The following PTPRK variants were observed in gnomAD, a reference collection of about 807,000 sequenced individuals.
PTPRK encodes protein tyrosine phosphatase receptor type K.
Under a neutral mutation model 178.0 loss-of-function variants are expected in PTPRK, and 75 were observed. The observed-to-expected ratio is 0.42, with a 90% CI of 0.35 to 0.51. PTPRK has a LOEUF of 0.51. Ranked by LOEUF, PTPRK falls within the 20% of genes least tolerant of loss-of-function variation. PTPRK has a pLI of 0.02. For missense variants in PTPRK, 1,441 were observed against 1,797.8 expected (o/e 0.80, Z 3.59); for synonymous variants, 637 against 620.6 (o/e 1.03, Z -0.39).
intron 13 of PTPRK, among the ~76,000 whole-genome samples, chr6:128,031,065 A>T (rs1232966685): frequency 6.6e-6 from 1 of 152,224 alleles, no homozygotes; most frequent in Admixed American, 6.5e-5. Context: ...TTTTATTAGC[A>T]GTAGAAATTT....
chr6:128,053,542 T>C (rs1322186238), intron 13 of PTPRK, among the ~76,000 whole-genome samples: 1 of 152,092 alleles, frequency 6.6e-6, no homozygotes, highest in African/African-American at 2.4e-5. Flanking sequence ...GGCTCTGATT[T>C]CCCAAGGTGG....
At chr6:128,140,603 A>T (rs140583802) in intron 7 of PTPRK, among the ~76,000 whole-genome samples, 3,407 of 152,004 alleles carry the variant, frequency 0.022, 102 homozygotes, top group African/African-American at 0.048. Flanking sequence ...AGAAAGAGTG[A>T]ATTATTTGAA....
intron 1 of PTPRK, among the ~76,000 whole-genome samples, chr6:128,424,910 GA>G (rs1005028911): frequency 3.7e-4 from 56 of 151,982 alleles, no homozygotes; most frequent in African/African-American, 1.2e-3. Flanking sequence ...TAACATCAAA[GA>G]ACTGCCAGCT....
At chr6:128,333,371 G>A (rs1051932513) in intron 2 of PTPRK, among the ~76,000 whole-genome samples, 11 of 152,102 alleles carry the variant, frequency 7.2e-5, no homozygotes, top group Admixed American at 1.3e-4. Flanking sequence ...CATTCTACTC[G>A]GTAGTCACAT....
chr6:128,045,781 T>C (rs1777942073), intron 13 of PTPRK, among the ~76,000 whole-genome samples: 1 of 151,998 alleles, frequency 6.6e-6, no homozygotes, highest in African/African-American at 2.4e-5. Flanking sequence ...TATAAGGAGG[T>C]TGATACCCAT....
chr6:128,399,338 C>G (rs1033300282), intron 1 of PTPRK, among the ~76,000 whole-genome samples: 1 of 152,170 alleles, frequency 6.6e-6, no homozygotes, highest in South Asian at 2.1e-4. Context: ...GCACTACAAG[C>G]TCTGAAATCT....
chr6:128,503,955 C>A (rs1163111282), intron 1 of PTPRK, among the ~76,000 whole-genome samples: 1 of 151,768 alleles, frequency 6.6e-6, no homozygotes, highest in East Asian at 1.9e-4. Flanking sequence ...CCTGGAAATG[C>A]ACAAATCAAT....
At chr6:128,282,594 T>C (rs1821844211) in intron 3 of PTPRK, among the ~76,000 whole-genome samples, 1 of 152,236 alleles carries the variant, frequency 6.6e-6, no homozygotes. Context: ...GGCATGTTCA[T>C]ATTTTTGCCA....
At chr6:128,277,056 A>G (rs1820828279) in intron 3 of PTPRK, among the ~76,000 whole-genome samples, 1 of 152,048 alleles carries the variant, frequency 6.6e-6, no homozygotes, top group South Asian at 2.1e-4. Flanking sequence ...CTGAAAGACA[A>G]TGAGTGACCT....
chr6:128,068,951 G>T (rs1582838237), intron 11 of PTPRK, among the ~76,000 whole-genome samples: 1 of 151,450 alleles, frequency 6.6e-6, no homozygotes, highest in Non-Finnish European at 1.5e-5. Context: ...GGGGAGGAGA[G>T]GGGGAGGGAG....
At chr6:128,046,649 G>A (rs555867548) in intron 13 of PTPRK, among the ~76,000 whole-genome samples, 1 of 152,240 alleles carries the variant, frequency 6.6e-6, no homozygotes, top group African/African-American at 2.4e-5. Flanking sequence ...ATTAAGACTA[G>A]GATTTCAGGC....
intron 27 of PTPRK, 90 bp from the exon 28 acceptor site, chr6:127,973,917 C>A: frequency 7.9e-7 from 1 of 1,261,152 alleles, no homozygotes. Flanking sequence ...ATACAAATGG[C>A]ATCTACACTG....
At chr6:128,176,242 T>C (rs934445483) in intron 7 of PTPRK, among the ~76,000 whole-genome samples, 1 of 151,828 alleles carries the variant, frequency 6.6e-6, no homozygotes, top group African/African-American at 2.4e-5. Context: ...TTTTAGTAAA[T>C]TTTGGGTAGG....
intron 2 of PTPRK, among the ~76,000 whole-genome samples, chr6:128,356,408 T>A (rs1239943575): frequency 1.3e-5 from 2 of 152,162 alleles, no homozygotes; most frequent in Non-Finnish European, 2.9e-5. Context: ...CTGAAACTAG[T>A]TTAGCCAGTC....
At chr6:128,387,831 G>A (rs913953661) in intron 2 of PTPRK, among the ~76,000 whole-genome samples, 3 of 152,072 alleles carry the variant, frequency 2.0e-5, no homozygotes, top group African/African-American at 7.2e-5. Flanking sequence ...ATGAAATTAA[G>A]GGAAACCTGA....
chr6:128,158,769 G>T (rs922985266), intron 7 of PTPRK, among the ~76,000 whole-genome samples: 7 of 151,764 alleles, frequency 4.6e-5, no homozygotes, highest in African/African-American at 1.7e-4. Flanking sequence ...GCCACTTCAC[G>T]TTTCCTTTCA....
intron 1 of PTPRK, among the ~76,000 whole-genome samples, chr6:128,491,150 T>A (rs565008727): frequency 2.9e-4 from 44 of 152,158 alleles, no homozygotes; most frequent in Non-Finnish European, 5.4e-4. Flanking sequence ...TCATGGGAAG[T>A]TCTATATAAA....
intron 3 of PTPRK, among the ~76,000 whole-genome samples, chr6:128,257,525 T>C (rs1368466906): frequency 6.6e-6 from 1 of 152,150 alleles, no homozygotes; most frequent in Non-Finnish European, 1.5e-5. Flanking sequence ...ATTTATTGCA[T>C]ACCTACGTGT....
At chr6:128,098,764 T>A (rs1207390690) in intron 7 of PTPRK, among the ~76,000 whole-genome samples, 5 of 152,194 alleles carry the variant, frequency 3.3e-5, no homozygotes, top group Admixed American at 3.3e-4. Context: ...TCTATACTAA[T>A]CTGTTGTGCT....
Sources: allele counts gnomAD v4.1 joint callset (sites outside exome capture counted in the v4.1 genomes callset), GRCh38; gene constraint gnomAD v4.1.1; transcripts MANE v1.5; gene names NCBI Gene and HGNC (gene_info 2026-07-23, HGNC 2026-07-21).